Variants in ADAP2 observed in about 807,000 individuals in gnomAD.
ADAP2 encodes the protein arf-GAP with dual PH domain-containing protein 2.
A neutral mutation model predicts 54.9 loss-of-function variants in ADAP2; 42 were observed. That is an observed-to-expected ratio of 0.77 (90% confidence interval 0.60 to 0.99). The LOEUF (loss-of-function observed/expected upper bound fraction) is 0.99, where lower values mean the gene tolerates loss of function less well. Among genes scored for constraint, ADAP2 ranks in the 50% least tolerant of loss-of-function variants. The pLI is 0.00. For missense variants in ADAP2, 429 were observed against 480.4 expected (o/e 0.89, Z 1.00); for synonymous variants, 177 against 180.1 (o/e 0.98, Z 0.14).
chr17:30,933,688 CG>C (rs1911664505), intron 4 of ADAP2, among the ~76,000 whole-genome samples: 1 of 152,026 alleles, frequency 6.6e-6, no homozygotes, highest in South Asian at 2.1e-4. Context: ...TTAGTAGAGA[CG>C]GGGTTTCACC....
Position 30,927,003 on chromosome 17 carries a change from T to G in ADAP2, c.317+85T>G, listed in dbSNP as rs550842913. On this transcript the variant is annotated intron_variant, in intron 3 of 10. Coordinates refer to ENST00000330889, the MANE Select transcript of ADAP2 (RefSeq NM_018404.3). ...CCTCTCCATCTTTGGTGTCTTCATC[T>G]GTGGTGGTCTCTTCTATGGGCCTGG... 4.8e-4 allele frequency: 508 copies of G among 1,069,204 alleles called. 3 individuals carry two copies. In the African/African-American group the frequency reaches 7.0e-3, roughly 15 times the overall value. 66.2% of individuals were successfully genotyped at this position (1,069,204 alleles called of 1,614,324 possible). A position where few individuals can be genotyped will look rare whatever the true frequency, so the allele number is the denominator to read the frequency against.
chr17:30,933,606 T>C (rs1911658492), intron 4 of ADAP2, among the ~76,000 whole-genome samples: 1 of 152,142 alleles, frequency 6.6e-6, no homozygotes, highest in South Asian at 2.1e-4. Context: ...TTCAAGTGAT[T>C]CTCCTGTCTC....
chr17:30,925,894 C>A (rs1005991401), intron 2 of ADAP2, among the ~76,000 whole-genome samples: 4 of 152,010 alleles, frequency 2.6e-5, no homozygotes, highest in Non-Finnish European at 5.9e-5. Context: ...TGTGTCCTGG[C>A]TAATTTTTGT....
At chr17:30,933,413 C>A (rs1390928264) in intron 4 of ADAP2, among the ~76,000 whole-genome samples, 1 of 152,130 alleles carries the variant, frequency 6.6e-6, no homozygotes, top group African/African-American at 2.4e-5. Context: ...ATCTCAAACT[C>A]CTGACTTCAA....
At chr17:30,933,777 C>T (rs1184819757) in intron 4 of ADAP2, among the ~76,000 whole-genome samples, 2 of 152,166 alleles carry the variant, frequency 1.3e-5, no homozygotes, top group East Asian at 1.9e-4. Flanking sequence ...GGATTACAGG[C>T]GTGAGCCACT....
chr17:30,957,286 A>G (rs868024557), intron 10 of ADAP2, among the ~76,000 whole-genome samples: 1 of 152,136 alleles, frequency 6.6e-6, no homozygotes, highest in South Asian at 2.1e-4. Flanking sequence ...GTGGGCTGCC[A>G]TTTATGAATC....
intron 3 of ADAP2, among the ~76,000 whole-genome samples, chr17:30,931,170 G>A (rs1183377515): frequency 1.3e-4 from 20 of 152,252 alleles, no homozygotes; most frequent in Admixed American, 1.3e-3. Context: ...GGAGCAGGTG[G>A]TGTAGATGGT....
At chr17:30,942,020 C>A (rs1411150302) in intron 5 of ADAP2, among the ~76,000 whole-genome samples, 1 of 151,988 alleles carries the variant, frequency 6.6e-6, no homozygotes, top group Non-Finnish European at 1.5e-5. Context: ...ATTCTCCTTC[C>A]TCACCCTCAC....
intron 6 of ADAP2, among the ~76,000 whole-genome samples, chr17:30,946,778 A>G (rs1912710404): frequency 6.6e-6 from 1 of 152,178 alleles, no homozygotes; most frequent in South Asian, 2.1e-4. Flanking sequence ...CGGACATGTT[A>G]GTAACTTGCT....
At chr17:30,925,458 TGGGATTACA>T (rs569825432) in intron 2 of ADAP2, among the ~76,000 whole-genome samples, 39 of 152,324 alleles carry the variant, frequency 2.6e-4, no homozygotes, top group African/African-American at 7.0e-4. Flanking sequence ...CCCAAAGTGC[TGGGATTACA>T]GGTGTGAGCT....
At position 30,949,309 on chromosome 17, in the gene ADAP2, C is replaced by CA; in HGVS notation, c.680_681insA (p.Leu228ProfsTer15). ...CAGGAGATAGTGGACTGGTTCAATG[C>CA]CCTCCGTGCAGCCCGTCTGCAGTAC... On this transcript the variant is annotated frameshift_variant, in exon 7 of 11. Coordinates refer to ENST00000330889, the MANE Select transcript of ADAP2 (RefSeq NM_018404.3). LOFTEE classifies it high-confidence loss of function. The CA allele has an allele frequency of 6.2e-7, 1 of 1,614,138 alleles. No homozygotes were observed. Among genetic ancestry groups the CA allele is most frequent in the East Asian group, 2.2e-5 (1 of 44,876 alleles).
At chr17:30,951,694 C>T (rs1414892693) in intron 7 of ADAP2, among the ~76,000 whole-genome samples, 10 of 137,746 alleles carry the variant, frequency 7.3e-5, no homozygotes, top group Admixed American at 1.6e-4. Flanking sequence ...CTCGCTCTTT[C>T]GCCCAGGCCA....
At chr17:30,927,485 G>A (rs993583457) in intron 3 of ADAP2, among the ~76,000 whole-genome samples, 5 of 152,038 alleles carry the variant, frequency 3.3e-5, no homozygotes, top group South Asian at 2.1e-4. Context: ...GCGTGGTGGC[G>A]GGCACTGGAG....
chr17:30,940,538 C>G (rs748145417), intron 5 of ADAP2, among the ~76,000 whole-genome samples: 2 of 152,214 alleles, frequency 1.3e-5, no homozygotes, highest in African/African-American at 4.8e-5. Flanking sequence ...CTCCTGACCT[C>G]AAGTGATTCG....
At chr17:30,928,420 C>T (rs554019086) in intron 3 of ADAP2, among the ~76,000 whole-genome samples, 26 of 151,912 alleles carry the variant, frequency 1.7e-4, no homozygotes, top group African/African-American at 5.6e-4. Flanking sequence ...CGCTTGAACC[C>T]GAGAGGTGGA....
In ADAP2 at chr17:30,922,933, C is replaced by A; in HGVS notation, c.95-7C>A. On this transcript the variant is annotated splice_polypyrimidine_tract_variant and splice_region_variant and intron_variant, in intron 1 of 10. Transcript: ENST00000330889. Reference sequence around the variant, plus strand: ...GCTCAGCTCCTCTCCTGCCTCATCCCCTGCAGATCCCGACTGGGCCTCTTA... The same window carrying A: ...GCTCAGCTCCTCTCCTGCCTCATCCACTGCAGATCCCGACTGGGCCTCTTA... The A allele has an allele frequency of 6.2e-7, 1 of 1,613,426 alleles. No homozygotes were observed. The highest frequency in any genetic ancestry group is 2.2e-5 in the East Asian group (1 of 44,840).
intron 3 of ADAP2, among the ~76,000 whole-genome samples, chr17:30,928,262 G>T (rs1371745417): frequency 6.7e-6 from 1 of 150,364 alleles, no homozygotes; most frequent in Non-Finnish European, 1.5e-5. Flanking sequence ...TTGGGAGGCC[G>T]AGGCGGGCGG....
intron 7 of ADAP2, among the ~76,000 whole-genome samples, chr17:30,950,486 A>T (rs1030458891): frequency 5.9e-5 from 9 of 152,144 alleles, no homozygotes; most frequent in Admixed American, 5.2e-4. Context: ...AGTCCAGGTC[A>T]TCTTCAGGGT....
intron 5 of ADAP2, among the ~76,000 whole-genome samples, chr17:30,937,771 G>T (rs1911994224): frequency 6.6e-6 from 1 of 152,216 alleles, no homozygotes. Context: ...ATGATTCCCA[G>T]ATTTTTGCTC....
Sources: allele counts gnomAD v4.1 joint callset (sites outside exome capture counted in the v4.1 genomes callset), GRCh38; gene constraint gnomAD v4.1.1; transcripts MANE v1.5; gene names NCBI Gene and HGNC (gene_info 2026-07-23, HGNC 2026-07-21).